ADGRL3: variants seen among roughly 807,000 people sequenced by gnomAD.
The protein encoded by ADGRL3 is calcium-independent alpha-latrotoxin receptor 3.
Under a neutral mutation model 153.5 loss-of-function variants are expected in ADGRL3, and 62 were observed. That is an observed-to-expected ratio of 0.40 (90% confidence interval 0.33 to 0.50). The LOEUF (loss-of-function observed/expected upper bound fraction) is 0.50, where lower values mean the gene tolerates loss of function less well. Among genes scored for constraint, ADGRL3 ranks in the 20% least tolerant of loss-of-function variants. The probability of loss-of-function intolerance (pLI) is 0.47; values close to 1 mark genes in which losing one functional copy is unlikely to be tolerated. For synonymous variants in ADGRL3, 710 were observed against 672.5 expected (o/e 1.06, Z -0.86); for missense variants, 1,641 against 1,859.4 (o/e 0.88, Z 2.16).
chr4:62,036,423 C>T (rs2151573149), intron 23 of ADGRL3, among the ~76,000 whole-genome samples: 1 of 152,140 alleles, frequency 6.6e-6, no homozygotes, highest in Admixed American at 6.6e-5. Context: ...GCTTGAGTCA[C>T]CTGACCCTAT....
intron 17 of ADGRL3, among the ~76,000 whole-genome samples, chr4:61,955,480 C>A (rs879337154): frequency 2.8e-4 from 42 of 152,230 alleles, no homozygotes; most frequent in African/African-American, 8.2e-4. Flanking sequence ...AAGTACATGA[C>A]AGTTAAACAC....
intron 1 of ADGRL3, among the ~76,000 whole-genome samples, chr4:61,381,763 C>A (rs181501110): frequency 2.6e-5 from 4 of 151,960 alleles, no homozygotes; most frequent in East Asian, 1.9e-4. Context: ...AAAGTGACAG[C>A]CAATAATTAT....
intron 2 of ADGRL3, among the ~76,000 whole-genome samples, chr4:61,449,296 C>T (rs1041437445): frequency 6.6e-6 from 1 of 151,908 alleles, no homozygotes; most frequent in African/African-American, 2.4e-5. Flanking sequence ...GCCACCACGC[C>T]CAGCTAATTT....
intron 17 of ADGRL3, among the ~76,000 whole-genome samples, chr4:61,978,706 A>T (rs2099056714): frequency 6.6e-6 from 1 of 152,206 alleles, no homozygotes. Context: ...CAACCAAGGA[A>T]CATGGCAGAC....
chr4:61,353,600 A>ATTTTTTTTTTTTTTTT (rs34199193), intron 1 of ADGRL3, among the ~76,000 whole-genome samples: 1 of 118,840 alleles, frequency 8.4e-6, no homozygotes. Flanking sequence ...TTTTCTTTCA[A>ATTTTTTTTTTTTTTTT]TTTTTTTTTT....
intron 8 of ADGRL3, among the ~76,000 whole-genome samples, chr4:61,770,188 A>G (rs1267998321): frequency 1.3e-5 from 2 of 152,226 alleles, no homozygotes; most frequent in East Asian, 3.8e-4. Context: ...GGAAAATGGG[A>G]CAAGTTAGGG....
rs576455305 is a variant in ADGRL3 at position 62,021,983 on chromosome 4, C to T, written c.3396-6872C>T. On this transcript the variant is annotated intron_variant, in intron 21 of 26. Transcript: ENST00000683033. ...CAAGTGAAAGAAAGTGTCTCTCACTCTAAATCAAAAGCTAGAAACCATTAA... is the reference window on the plus strand; with the variant it reads ...CAAGTGAAAGAAAGTGTCTCTCACTTTAAATCAAAAGCTAGAAACCATTAA... 2.2e-4 allele frequency among the ~76,000 whole-genome samples: 33 copies of T among 152,292 alleles called. No homozygotes were observed. In the South Asian group the frequency reaches 6.2e-3, roughly 29 times the overall value.
At chr4:61,205,699 G>A (rs1290256239) in intron 1 of ADGRL3, among the ~76,000 whole-genome samples, 1 of 152,160 alleles carries the variant, frequency 6.6e-6, no homozygotes, top group Non-Finnish European at 1.5e-5. Flanking sequence ...AGGTCCTCCT[G>A]ACATTTTTCC....
At chr4:61,750,518 G>A (rs1465265897) in intron 8 of ADGRL3, among the ~76,000 whole-genome samples, 1 of 152,260 alleles carries the variant, frequency 6.6e-6, no homozygotes, top group African/African-American at 2.4e-5. Context: ...TCGGCCGGGC[G>A]CGGTGGCTCA....
At chr4:61,255,251 A>G (rs2091848351) in intron 1 of ADGRL3, among the ~76,000 whole-genome samples, 1 of 152,208 alleles carries the variant, frequency 6.6e-6, no homozygotes, top group South Asian at 2.1e-4. Flanking sequence ...GTCTGAAGCA[A>G]ATCTTATGGC....
intron 1 of ADGRL3, among the ~76,000 whole-genome samples, chr4:61,361,965 G>T (rs913047635): frequency 4.7e-5 from 7 of 148,736 alleles, no homozygotes; most frequent in African/African-American, 1.7e-4. Context: ...TTTTTTTAAT[G>T]ATATAATCAT....
chr4:61,747,555 A>T (rs1380208506), intron 8 of ADGRL3, among the ~76,000 whole-genome samples: 8 of 146,546 alleles, frequency 5.5e-5, no homozygotes, highest in African/African-American at 1.0e-4. Context: ...GGTTCAATAT[A>T]TGCAAATCAA....
intron 3 of ADGRL3, among the ~76,000 whole-genome samples, chr4:61,510,775 G>GT (rs1362610426): frequency 3.3e-5 from 5 of 152,168 alleles, no homozygotes; most frequent in East Asian, 1.9e-4. Flanking sequence ...TTTTACAATA[G>GT]TTTTTTTCTA....
chr4:61,774,926 G>A (rs1057471941), intron 8 of ADGRL3, among the ~76,000 whole-genome samples: 3 of 152,232 alleles, frequency 2.0e-5, no homozygotes, highest in African/African-American at 7.2e-5. Context: ...AGTTAGTAAG[G>A]TTTATTATGT....
chr4:61,847,041 G>C (rs1242871701), intron 9 of ADGRL3, among the ~76,000 whole-genome samples: 1 of 151,484 alleles, frequency 6.6e-6, no homozygotes, highest in Non-Finnish European at 1.5e-5. Context: ...TCCTCACTGG[G>C]CCCTGCCTCC....
At chr4:61,798,102 A>G (rs1335586904) in intron 8 of ADGRL3, among the ~76,000 whole-genome samples, 2 of 152,152 alleles carry the variant, frequency 1.3e-5, no homozygotes, top group Non-Finnish European at 2.9e-5. Context: ...TTTGCACCTT[A>G]TGGGCAAGTA....
chr4:61,831,597 A>T (rs2148871016), intron 9 of ADGRL3, among the ~76,000 whole-genome samples: 1 of 152,126 alleles, frequency 6.6e-6, no homozygotes, highest in South Asian at 2.1e-4. Flanking sequence ...AGCCTCTGAG[A>T]TTTACTCCCA....
At chr4:61,732,306 T>C (rs1042307650) in intron 7 of ADGRL3, among the ~76,000 whole-genome samples, 2 of 152,162 alleles carry the variant, frequency 1.3e-5, no homozygotes, top group African/African-American at 4.8e-5. Context: ...GAGATATTCA[T>C]CTGTTTCTTA....
intron 2 of ADGRL3, among the ~76,000 whole-genome samples, chr4:61,424,465 G>A (rs1042465095): frequency 4.6e-5 from 7 of 152,014 alleles, no homozygotes; most frequent in Non-Finnish European, 7.4e-5. Flanking sequence ...TCCCTGTTAC[G>A]CTCCCCATGA....
Sources: gnomAD v4.1 joint callset for allele counts (sites outside exome capture counted in the v4.1 genomes callset) on GRCh38, gnomAD v4.1.1 for gene constraint, MANE v1.5 for transcripts, NCBI Gene and HGNC (gene_info 2026-07-23, HGNC 2026-07-21) for gene names.